The following ARB2A variants were observed in gnomAD, a reference collection of about 807,000 sequenced individuals.
ARB2A encodes the protein cotranscriptional regulator ARB2A.
the ARB2A span, among the ~76,000 whole-genome samples, chr5:93,924,122 G>A: frequency 6.6e-6 from 1 of 152,092 alleles, no homozygotes; most frequent in Non-Finnish European, 1.5e-5. Flanking sequence ...ATGAGGTGAG[G>A]TCTTCAGAGA....
chr5:93,734,193 G>C, the ARB2A span: 3 of 152,140 alleles, frequency 2.0e-5, no homozygotes, highest in Non-Finnish European at 4.4e-5. Flanking sequence ...GCCAAGGATT[G>C]ATAAAAGTGT....
At chr5:94,044,175 G>C in the ARB2A span, among the ~76,000 whole-genome samples, 1 of 152,178 alleles carries the variant, frequency 6.6e-6, no homozygotes, top group Non-Finnish European at 1.5e-5. Flanking sequence ...GAATTGGCTA[G>C]CACCCCACAT....
chr5:94,105,894 A>G, the ARB2A span, among the ~76,000 whole-genome samples: 2 of 152,226 alleles, frequency 1.3e-5, no homozygotes, highest in South Asian at 2.1e-4. Flanking sequence ...AGGACTCCCT[A>G]TTCAATAAAG....
At chr5:93,947,511 T>TTTTTTA in the ARB2A span, among the ~76,000 whole-genome samples, 46 of 150,322 alleles carry the variant, frequency 3.1e-4, no homozygotes, top group East Asian at 2.3e-3. Flanking sequence ...GTATCTTCTT[T>TTTTTTA]TTATTATTAT....
chr5:94,018,776 T>C, the ARB2A span, among the ~76,000 whole-genome samples: 2 of 151,772 alleles, frequency 1.3e-5, no homozygotes, highest in African/African-American at 2.4e-5. Flanking sequence ...AATTCTGTGA[T>C]GAATTGACAT....
At chr5:93,945,238 T>C in the ARB2A span, among the ~76,000 whole-genome samples, 2 of 151,472 alleles carry the variant, frequency 1.3e-5, no homozygotes, top group East Asian at 3.9e-4. Flanking sequence ...AGGTCAGGAG[T>C]TCGAGATCAG....
chr5:93,830,995 A>C, the ARB2A span, among the ~76,000 whole-genome samples: 1 of 152,182 alleles, frequency 6.6e-6, no homozygotes, highest in African/African-American at 2.4e-5. Context: ...CGCACAACCT[A>C]GATCCCTCAC....
chr5:93,780,995 A>T, the ARB2A span, among the ~76,000 whole-genome samples: 1 of 152,242 alleles, frequency 6.6e-6, no homozygotes. Context: ...ATGGATACAT[A>T]ACATCAGTAA....
At chr5:94,023,313 A>G in the ARB2A span, among the ~76,000 whole-genome samples, 1 of 152,224 alleles carries the variant, frequency 6.6e-6, no homozygotes, top group South Asian at 2.1e-4. Context: ...AGATGAGCCC[A>G]ATATCCCTTC....
the ARB2A span, among the ~76,000 whole-genome samples, chr5:93,636,933 T>C: frequency 6.6e-6 from 1 of 152,256 alleles, no homozygotes; most frequent in Non-Finnish European, 1.5e-5. Flanking sequence ...GTTCCTTTTA[T>C]CATTTTCCCC....
At chr5:93,640,230 C>A in the ARB2A span, among the ~76,000 whole-genome samples, 1 of 151,388 alleles carries the variant, frequency 6.6e-6, no homozygotes, top group Non-Finnish European at 1.5e-5. Flanking sequence ...AGGGGGATCA[C>A]TTGAGGTCAG....
At chr5:93,971,612 A>AT in the ARB2A span, among the ~76,000 whole-genome samples, 16 of 151,490 alleles carry the variant, frequency 1.1e-4, no homozygotes, top group African/African-American at 1.9e-4. Context: ...AAATAAATAA[A>AT]ACAAAAATAC....
chr5:94,057,186 C>A, the ARB2A span, among the ~76,000 whole-genome samples: 8 of 152,186 alleles, frequency 5.3e-5, no homozygotes, highest in Non-Finnish European at 1.2e-4. Flanking sequence ...TGAGTCAATT[C>A]TTTGTAGTAA....
chr5:93,842,067 G>C, the ARB2A span, among the ~76,000 whole-genome samples: 5 of 152,162 alleles, frequency 3.3e-5, no homozygotes, highest in African/African-American at 4.8e-5. Flanking sequence ...AAGACTACAT[G>C]CAATATGTTT....
the ARB2A span, among the ~76,000 whole-genome samples, chr5:93,786,719 T>C: frequency 1.2e-4 from 18 of 152,212 alleles, no homozygotes; most frequent in Non-Finnish European, 2.5e-4. Context: ...AACTGCCATT[T>C]CTGTCCAGAC....
chr5:93,893,460 G>A, the ARB2A span, among the ~76,000 whole-genome samples: 2 of 152,120 alleles, frequency 1.3e-5, no homozygotes, highest in Non-Finnish European at 2.9e-5. Flanking sequence ...CAGAAAATAC[G>A]ACTAGTCAAC....
chr5:93,741,676 A>G, the ARB2A span: 2 of 1,278,782 alleles, frequency 1.6e-6, no homozygotes, highest in African/African-American at 3.0e-5. Context: ...AGGCGTTACA[A>G]GCCAAGGGTG....
chr5:94,048,077 CAG>C, the ARB2A span, among the ~76,000 whole-genome samples: 2 of 54,882 alleles, frequency 3.6e-5, no homozygotes, highest in African/African-American at 1.4e-4. Flanking sequence ...TTTTTTGAGA[CAG>C]AGTCTTACTG....
At chr5:93,956,586 TA>T in the ARB2A span, among the ~76,000 whole-genome samples, 5 of 152,024 alleles carry the variant, frequency 3.3e-5, no homozygotes, top group Non-Finnish European at 7.4e-5. Context: ...CCAGAGGTTC[TA>T]ACTTCTGGAA....
Sources: gnomAD v4.1 joint callset for allele counts (sites outside exome capture counted in the v4.1 genomes callset) on GRCh38, gnomAD v4.1.1 for gene constraint, MANE v1.5 for transcripts, NCBI Gene and HGNC (gene_info 2026-07-23, HGNC 2026-07-21) for gene names.